TEF: variants seen among roughly 807,000 people sequenced by gnomAD.
TEF encodes the protein thyrotroph embryonic factor.
TEF carries 3 observed loss-of-function variants against 20.8 expected under a neutral mutation model. That is an observed-to-expected ratio of 0.14 (90% CI 0.07 to 0.37). TEF has a LOEUF of 0.37. TEF is among the 10% of genes least tolerant of loss of function. TEF has a pLI of 1.00. For missense variants in TEF, 296 were observed against 397.9 expected (o/e 0.74, Z 2.18); for synonymous variants, 180 against 171.1 (o/e 1.05, Z -0.41).
intron 2 of TEF, among the ~76,000 whole-genome samples, chr22:41,391,901 G>A (rs560754931): frequency 2.0e-5 from 3 of 152,318 alleles, no homozygotes; most frequent in Admixed American, 1.3e-4. Context: ...GATTACAGGT[G>A]TGCACCACCA....
intron 1 of TEF, among the ~76,000 whole-genome samples, chr22:41,368,141 G>A (rs553659908): frequency 1.9e-4 from 29 of 152,292 alleles, no homozygotes; most frequent in Non-Finnish European, 2.6e-4. Flanking sequence ...GGCAAAACGC[G>A]CGAGGGAGGA....
At chr22:41,386,905 A>G (rs985843817) in intron 1 of TEF, among the ~76,000 whole-genome samples, 1 of 151,142 alleles carries the variant, frequency 6.6e-6, no homozygotes, top group Admixed American at 6.6e-5. Context: ...ATAGCTGGGC[A>G]TGGTGGTGCG....
intron 2 of TEF, among the ~76,000 whole-genome samples, chr22:41,393,796 TAATG>T (rs1490104378): frequency 6.6e-6 from 1 of 151,598 alleles, no homozygotes; most frequent in African/African-American, 2.4e-5. Context: ...AAAAAAAAAT[TAATG>T]TTTTGCTTAA....
chr22:41,373,708 T>C (rs1170557192), intron 1 of TEF, among the ~76,000 whole-genome samples: 2 of 150,874 alleles, frequency 1.3e-5, no homozygotes, highest in Non-Finnish European at 2.9e-5. Context: ...GACCTCATGA[T>C]CCACCTGCCT....
upstream of TEF, among the ~76,000 whole-genome samples, chr22:41,381,295 C>T (rs933167532): frequency 1.2e-4 from 19 of 152,284 alleles, no homozygotes; most frequent in Admixed American, 4.6e-4. Flanking sequence ...AAGACCCGTC[C>T]CTCCCTTCCC....
At chr22:41,382,243 T>C in intron 1 of TEF, 42 bp downstream of exon 1, 2 of 1,203,204 alleles carry the variant, frequency 1.7e-6, no homozygotes, top group Non-Finnish European at 2.1e-6. Context: ...GGGGCGGGGC[T>C]TATACAGGGG....
At chr22:41,380,839 C>T (rs1220073695), upstream of TEF, among the ~76,000 whole-genome samples, 1 of 152,146 alleles carries the variant, frequency 6.6e-6, no homozygotes, top group African/African-American at 2.4e-5. Context: ...AACGTGGCAT[C>T]GGTACCTGGT....
chr22:41,388,672 T>C (rs149980642), intron 2 of TEF, among the ~76,000 whole-genome samples: 2 of 152,136 alleles, frequency 1.3e-5, no homozygotes, highest in African/African-American at 4.8e-5. Context: ...TTACATTTTA[T>C]CTCTGGGGGT....
At chr22:41,383,193 C>T (rs1431956170) in intron 1 of TEF, among the ~76,000 whole-genome samples, 1 of 152,052 alleles carries the variant, frequency 6.6e-6, no homozygotes, top group Non-Finnish European at 1.5e-5. Context: ...TTTAAAATGC[C>T]ATTTCTCTTC....
chr22:41,382,729 CAGCTACTAGGTCCAACGGG>C (rs1370656997), intron 1 of TEF, among the ~76,000 whole-genome samples: 2 of 151,946 alleles, frequency 1.3e-5, no homozygotes. Context: ...TGAGTAGCGC[CAGCTACTAGGTCCAACGGG>C]AGCCTTTCTG....
rs753508649 is a variant in TEF, at chr22:41,395,729, G to A, written c.697-16G>A. 1 of 1,609,928 alleles carries A rather than the reference G, an allele frequency of 6.2e-7. No individual in the cohort carries two copies. Among genetic ancestry groups the A allele is most frequent in the Non-Finnish European group, 8.5e-7 (1 of 1,176,704 alleles). ...TGGGGAAAGACGAGAGACTCACAGA[G>A]GGCACTTCCCCACAGGATGAAAAGT... On this transcript the variant is annotated splice_polypyrimidine_tract_variant and intron_variant, in intron 3 of 3. Coordinates refer to ENST00000266304, the MANE Select transcript of TEF (RefSeq NM_003216.4).
chr22:41,396,766 C>T lies in TEF; in HGVS notation c.*806C>T, dbSNP rs916781163. On this transcript the variant is annotated 3_prime_UTR_variant, in exon 4 of 4. Transcript: ENST00000266304. ...GGCTACTCAGAGGCCATGTGAAGCTCGTTTGTCCCACTAGACCAGGCCTCT... is the reference window on the plus strand; with the variant it reads ...GGCTACTCAGAGGCCATGTGAAGCTTGTTTGTCCCACTAGACCAGGCCTCT... The T allele has an allele frequency of 2.5e-6, 1 of 395,406 alleles. No individual in the cohort carries two copies. The highest frequency in any genetic ancestry group is 4.4e-5 in the Admixed American group (1 of 22,644). 24.5% of individuals were successfully genotyped at this position (395,406 alleles called of 1,614,324 possible).
In TEF at chr22:41,382,180, C is replaced by A; in HGVS notation, c.136C>A (p.Pro46Thr). ...PLVLKKLMEN[P>T]PREARLDKEK... is the part of the protein sequence containing the mutation. The stretch of plus-strand genomic sequence containing the variant: ...GGTCCTGAAGAAGCTGATGGAGAAC[C>A]CCCCGCGCGAGGCGCGCCTCGGTGA... Residue 46 changes from proline to threonine, a missense_variant, in exon 1 of 4, where the codon CCC becomes ACC. Transcript: ENST00000266304. 1 of 1,240,652 alleles carries A rather than the reference C, an allele frequency of 8.1e-7. No homozygotes were observed. Among genetic ancestry groups the A allele is most frequent in the Non-Finnish European group, 1.0e-6 (1 of 993,138 alleles). 76.9% of individuals were successfully genotyped at this position (1,240,652 alleles called of 1,614,324 possible). A position where few individuals can be genotyped will look rare whatever the true frequency, so the allele number is the denominator to read the frequency against.
At chr22:41,388,705 C>G (rs1010538822) in intron 2 of TEF, among the ~76,000 whole-genome samples, 1 of 152,046 alleles carries the variant, frequency 6.6e-6, no homozygotes, top group African/African-American at 2.4e-5. Flanking sequence ...TCCTTGGACA[C>G]GAACCTACCA....
At chr22:41,385,834 A>G (rs574458211) in intron 1 of TEF, among the ~76,000 whole-genome samples, 2 of 152,034 alleles carry the variant, frequency 1.3e-5, no homozygotes, top group Admixed American at 1.3e-4. Context: ...ACAGGCGCCC[A>G]CCACCACACC....
At chr22:41,367,687 A>G in intron 1 of TEF, 1 of 1,355,260 alleles carries the variant, frequency 7.4e-7, no homozygotes, top group South Asian at 1.3e-5. Context: ...CAGGACAGGC[A>G]TCTCCAAGCC....
At position 41,396,257 on chromosome 22, in the gene TEF, G is replaced by GTACA. The variant is rs1325184547; in HGVS notation, c.*298_*301dup. 7 of 360,046 alleles carry GTACA rather than the reference G, an allele frequency of 1.9e-5. No individual in the cohort carries two copies. The highest frequency in any genetic ancestry group is 3.6e-5 in the Non-Finnish European group (7 of 192,110). The allele number at this position is 360,046 out of a possible 1,614,324, so 22.3% of individuals were successfully genotyped here. A position where few individuals can be genotyped will look rare whatever the true frequency, so the allele number is the denominator to read the frequency against. The stretch of plus-strand genomic sequence containing the variant: ...GTTGAATCAGAAGGGGACCTCTGGA[G>GTACA]TACACACCTCTCTCCTGGGCGCTCA... On this transcript the variant is annotated 3_prime_UTR_variant, in exon 4 of 4. Coordinates refer to ENST00000266304, the MANE Select transcript of TEF (RefSeq NM_003216.4).
In TEF at chr22:41,399,296, T is replaced by C. The variant is rs1794121242; in HGVS notation, c.*3336T>C. The C allele has an allele frequency of 6.6e-6, 1 of 152,506 alleles. No individual in the cohort carries two copies. 9.4% of individuals were successfully genotyped at this position (152,506 alleles called of 1,614,324 possible). A position where few individuals can be genotyped will look rare whatever the true frequency, so the allele number is the denominator to read the frequency against. ...GAGGGAAGCCGGGAATGTATCCTTTTCAGACAAAATTAAATATTTTGAAAT... is the reference window on the plus strand; with the variant it reads ...GAGGGAAGCCGGGAATGTATCCTTTCCAGACAAAATTAAATATTTTGAAAT... On this transcript the variant is annotated 3_prime_UTR_variant, in exon 4 of 4. Coordinates refer to ENST00000266304, the MANE Select transcript of TEF (RefSeq NM_003216.4).
At chr22:41,381,564 CAA>C (rs1383502677), upstream of TEF, among the ~76,000 whole-genome samples, 5 of 152,276 alleles carry the variant, frequency 3.3e-5, no homozygotes, top group Admixed American at 3.3e-4. Context: ...AAGTCGGGGA[CAA>C]GAGGGAGAGG....
Sources: allele counts gnomAD v4.1 joint callset (sites outside exome capture counted in the v4.1 genomes callset), GRCh38; gene constraint gnomAD v4.1.1; transcripts MANE v1.5; gene names NCBI Gene and HGNC (gene_info 2026-07-23, HGNC 2026-07-21).